Variants in DYNC2H1 observed in about 807,000 individuals in gnomAD.
DYNC2H1 encodes cytoplasmic dynein 2 heavy chain 1.
A neutral mutation model predicts 570.0 loss-of-function variants in DYNC2H1; 410 were observed. The ratio of observed to expected loss-of-function variants is 0.72; its 90% CI spans 0.66 to 0.78. The LOEUF is 0.78. Among genes scored for constraint, DYNC2H1 ranks in the 30% least tolerant of loss-of-function variants. The pLI, the probability that DYNC2H1 is intolerant of heterozygous loss-of-function variation, is 0.00. For missense variants in DYNC2H1, 4,865 were observed against 5,046.4 expected, an observed-to-expected ratio of 0.96 and a Z score of 1.09; for synonymous variants, 1,688 against 1,677.6, an observed-to-expected ratio of 1.01 and a Z score of -0.15.
intron 79 of DYNC2H1, among the ~76,000 whole-genome samples, chr11:103,315,080 T>C (rs539484384): frequency 5.5e-4 from 82 of 149,932 alleles, no homozygotes; most frequent in Non-Finnish European, 9.8e-4. Flanking sequence ...GTTTTCATAA[T>C]ATCCACAATG....
intron 17 of DYNC2H1, among the ~76,000 whole-genome samples, chr11:103,138,750 C>G (rs1212705298): frequency 6.6e-6 from 1 of 152,150 alleles, no homozygotes; most frequent in Non-Finnish European, 1.5e-5. Context: ...GGAGGATTCC[C>G]TCTTTTTCTA....
chr11:103,159,264 G>A (rs2134910198), intron 28 of DYNC2H1, among the ~76,000 whole-genome samples: 1 of 152,294 alleles, frequency 6.6e-6, no homozygotes, highest in Non-Finnish European at 1.5e-5. Flanking sequence ...AGGTCCATCT[G>A]TGAGGGCATT....
At chr11:103,235,646 CT>C in intron 61 of DYNC2H1, 25 bp from the exon 62 acceptor site, 1 of 1,589,388 alleles carries the variant, frequency 6.3e-7, no homozygotes, top group Non-Finnish European at 8.6e-7. Context: ...ATATATCTCC[CT>C]CTTTCTTCTC....
At chr11:103,124,657 A>G (rs1858898200) in intron 11 of DYNC2H1, among the ~76,000 whole-genome samples, 2 of 152,152 alleles carry the variant, frequency 1.3e-5, no homozygotes, top group African/African-American at 4.8e-5. Flanking sequence ...TAGAAGAATG[A>G]AACGTTTTAA....
chr11:103,258,069 T>C (rs1048616808), intron 69 of DYNC2H1, among the ~76,000 whole-genome samples: 1 of 152,180 alleles, frequency 6.6e-6, no homozygotes, highest in Non-Finnish European at 1.5e-5. Context: ...ATAATATCAT[T>C]ACCTGGGGAA....
chr11:103,478,169 T>A (rs1214098619), intron 88 of DYNC2H1, among the ~76,000 whole-genome samples: 2 of 152,144 alleles, frequency 1.3e-5, no homozygotes, highest in African/African-American at 4.8e-5. Context: ...TACCATTTTT[T>A]AAAAAGAAGG....
At chr11:103,371,023 G>C (rs1941123575) in intron 83 of DYNC2H1, among the ~76,000 whole-genome samples, 1 of 152,078 alleles carries the variant, frequency 6.6e-6, no homozygotes, top group Non-Finnish European at 1.5e-5. Context: ...TTCAGACAGA[G>C]AATGCAAAAT....
chr11:103,267,088 T>C (rs1467602354), intron 70 of DYNC2H1, among the ~76,000 whole-genome samples: 3 of 152,072 alleles, frequency 2.0e-5, no homozygotes, highest in African/African-American at 7.2e-5. Flanking sequence ...TCTGTGGTGG[T>C]CAAGGGATCT....
chr11:103,328,248 C>G (rs1938598254), intron 82 of DYNC2H1, among the ~76,000 whole-genome samples: 2 of 152,180 alleles, frequency 1.3e-5, no homozygotes, highest in Admixed American at 1.3e-4. Context: ...GTCTGTTTCA[C>G]TGCTTATTTA....
intron 82 of DYNC2H1, among the ~76,000 whole-genome samples, chr11:103,344,085 A>G (rs1939617366): frequency 6.6e-6 from 1 of 152,234 alleles, no homozygotes; most frequent in Non-Finnish European, 1.5e-5. Context: ...ACTTTGGTGC[A>G]GACCCTTTTG....
chr11:103,455,611 A>C (rs1944761725), intron 86 of DYNC2H1, among the ~76,000 whole-genome samples: 1 of 152,172 alleles, frequency 6.6e-6, no homozygotes, highest in Admixed American at 6.5e-5. Context: ...AATTAAAGTA[A>C]AAATCAGATT....
intron 36 of DYNC2H1, among the ~76,000 whole-genome samples, chr11:103,175,302 A>G (rs1293261312): frequency 6.6e-6 from 1 of 152,174 alleles, no homozygotes; most frequent in African/African-American, 2.4e-5. Flanking sequence ...AATGGCATCT[A>G]CATTAGCTGT....
intron 50 of DYNC2H1, among the ~76,000 whole-genome samples, chr11:103,200,892 T>C (rs1862692945): frequency 2.0e-5 from 3 of 152,326 alleles, no homozygotes; most frequent in South Asian, 4.1e-4. Context: ...AGTGACATGA[T>C]CTCGGCTCAC....
At chr11:103,179,612 G>A (rs1195005252) in intron 39 of DYNC2H1, among the ~76,000 whole-genome samples, 4 of 151,390 alleles carry the variant, frequency 2.6e-5, no homozygotes, top group Non-Finnish European at 5.9e-5. Flanking sequence ...TTTAATTTTA[G>A]AATTTAATTA....
At position 103,158,735 on chromosome 11, in the gene DYNC2H1, G is replaced by A. The variant is rs1391370887; in HGVS notation, c.4186G>A (p.Gly1396Arg). 1 of 1,525,196 alleles carries A rather than the reference G, an allele frequency of 6.6e-7. No homozygotes were observed. The highest frequency in any genetic ancestry group is 1.3e-5 in the South Asian group (1 of 79,964). 94.5% of individuals were successfully genotyped at this position (1,525,196 alleles called of 1,614,324 possible). A position where few individuals can be genotyped will look rare whatever the true frequency, so the allele number is the denominator to read the frequency against. Reference protein sequence around the residue: ...NRVTTLTTHAGIRNSLLTILD... With the variant: ...NRVTTLTTHARIRNSLLTILD... ...AGTCACAACATTAACTACTCATGCT[G>A]GAATAAGAAATTCTCTACTAACAAT... The change falls in exon 27 of 89, where the codon GGA becomes AGA. Residue 1396 changes from glycine (G) to arginine (R), a missense_variant. By Grantham distance (125) the Gly-to-Arg change is moderately radical. Coordinates refer to ENST00000375735, the MANE Select transcript of DYNC2H1 (RefSeq NM_001377.3).
rs371373757 is a variant in DYNC2H1 at position 103,306,868 on chromosome 11, A to G, written c.11383-853A>G. ...AAATTGTGCCAGGTTCTGGTTACCT[A>G]CAGAATTTGTACCTGCTCTCTGGGA... is the stretch of plus-strand genomic sequence containing the variant. On this transcript the variant is annotated intron_variant, in intron 77 of 88. Coordinates refer to ENST00000375735, the MANE Select transcript of DYNC2H1 (RefSeq NM_001377.3). Among the ~76,000 whole-genome samples the G allele has an allele frequency of 7.2e-5, 11 of 152,278 alleles. No homozygotes were observed. The South Asian group carries it at 1.0e-3, about 14-fold the overall frequency.
intron 88 of DYNC2H1, among the ~76,000 whole-genome samples, chr11:103,474,812 C>T (rs1292634797): frequency 6.6e-6 from 1 of 152,166 alleles, no homozygotes; most frequent in Non-Finnish European, 1.5e-5. Flanking sequence ...GCACCATCCG[C>T]AGTCTCAGGC....
chr11:103,123,113 A>AT (rs994435018), intron 11 of DYNC2H1, 113 bp downstream of exon 11: 677 of 879,436 alleles, frequency 7.7e-4, no homozygotes, highest in South Asian at 9.6e-4. Flanking sequence ...TCCTCCTGTA[A>AT]TTTTTTTTTG....
intron 83 of DYNC2H1, among the ~76,000 whole-genome samples, chr11:103,391,178 T>C (rs1473891429): frequency 6.6e-6 from 1 of 152,202 alleles, no homozygotes; most frequent in Admixed American, 6.5e-5. Context: ...CCATATTTCT[T>C]GGAGGCTTTG....
Sources: allele counts gnomAD v4.1 joint callset (sites outside exome capture counted in the v4.1 genomes callset), GRCh38; gene constraint gnomAD v4.1.1; transcripts MANE v1.5; gene names NCBI Gene and HGNC (gene_info 2026-07-23, HGNC 2026-07-21).